Variants in TFCP2L1 observed in about 807,000 individuals in gnomAD.
The protein encoded by TFCP2L1 is transcription factor CP2 like 1.
TFCP2L1 carries 12 observed loss-of-function variants against 72.2 expected under a neutral mutation model. That is an observed-to-expected ratio of 0.17 (90% CI 0.11 to 0.27). The LOEUF (loss-of-function observed/expected upper bound fraction) is 0.27. Among genes scored for constraint, TFCP2L1 ranks in the 10% least tolerant of loss-of-function variants. TFCP2L1 has a pLI of 1.00. For missense variants in TFCP2L1, 488 were observed against 624.6 expected (o/e 0.78, Z 2.33); for synonymous variants, 260 against 251.0 (o/e 1.04, Z -0.34).
chr2:121,224,398 G>A lies in TFCP2L1; in HGVS notation c.1394-11C>T, dbSNP rs1353263132. The A allele has an allele frequency of 1.2e-6, 2 of 1,613,552 alleles. No homozygotes were observed. The highest frequency in any genetic ancestry group is 2.2e-5 in the East Asian group (1 of 44,876). The stretch of plus-strand genomic sequence containing the variant: ...CATCATTGCTCTCAGCTGCAAGAGA[G>A]AAACACTGGGTGTATTTCACAGGAA... On this transcript the variant is annotated splice_polypyrimidine_tract_variant and intron_variant, in intron 14 of 14. Coordinates refer to ENST00000263707, the MANE Select transcript of TFCP2L1 (RefSeq NM_014553.3).
intron 2 of TFCP2L1, among the ~76,000 whole-genome samples, chr2:121,267,561 T>G (rs2104742958): frequency 6.6e-6 from 1 of 151,976 alleles, no homozygotes; most frequent in Non-Finnish European, 1.5e-5. Flanking sequence ...TGGCGCGATC[T>G]CGACTCACTG....
Position 121,217,511 on chromosome 2 carries a change from T to G in TFCP2L1, c.*6830A>C, listed in dbSNP as rs1012293188. ...CAGAATTCTCAGGCCCAGGATACCC[T>G]TATGGAGGGCCGGGGGGCGGCCCCT... is the stretch of plus-strand genomic sequence containing the variant. On this transcript the variant is annotated 3_prime_UTR_variant, in exon 15 of 15. Coordinates refer to ENST00000263707, the MANE Select transcript of TFCP2L1 (RefSeq NM_014553.3). 9 of 152,440 alleles carry G rather than the reference T, an allele frequency of 5.9e-5. No individual in the cohort carries two copies. The highest frequency in any genetic ancestry group is 2.2e-4 in the African/African-American group (9 of 41,456). The allele number at this position is 152,440 out of a possible 1,614,324, so 9.4% of individuals were successfully genotyped here.
At chr2:121,224,723 C>T (rs1452632443) in intron 14 of TFCP2L1, among the ~76,000 whole-genome samples, 1 of 152,184 alleles carries the variant, frequency 6.6e-6, no homozygotes, top group African/African-American at 2.4e-5. Context: ...TGGCTCACGC[C>T]TGTAATCCCA....
chr2:121,237,339 C>T (rs1686270492), intron 10 of TFCP2L1, among the ~76,000 whole-genome samples: 1 of 152,222 alleles, frequency 6.6e-6, no homozygotes, highest in Non-Finnish European at 1.5e-5. Context: ...TCTTCCTGGA[C>T]AGACCAGAGC....
chr2:121,275,568 C>CTTTT (rs931104631), intron 2 of TFCP2L1, among the ~76,000 whole-genome samples: 5 of 121,740 alleles, frequency 4.1e-5, no homozygotes, highest in East Asian at 2.6e-4. Flanking sequence ...AGAAGTAAGT[C>CTTTT]TTTTTTTTTT....
At chr2:121,240,357 A>G (rs1247522018) in intron 7 of TFCP2L1, 9 of 985,332 alleles carry the variant, frequency 9.1e-6, no homozygotes, top group Middle Eastern at 5.2e-4. Flanking sequence ...GAGAAAGTCT[A>G]TCCAGCTGAA....
At chr2:121,231,360 G>C (rs1225076305) in intron 13 of TFCP2L1, among the ~76,000 whole-genome samples, 2 of 152,198 alleles carry the variant, frequency 1.3e-5, no homozygotes, top group Non-Finnish European at 2.9e-5. Flanking sequence ...GTAGCTGCTT[G>C]TGCTCTACAC....
chr2:121,284,621 C>G (rs952014063), intron 1 of TFCP2L1, among the ~76,000 whole-genome samples: 4 of 152,202 alleles, frequency 2.6e-5, no homozygotes, highest in African/African-American at 9.6e-5. Context: ...GGGGCCCCGG[C>G]GGAGACGGGC....
chr2:121,230,959 T>A (rs2104665556), intron 13 of TFCP2L1, among the ~76,000 whole-genome samples: 1 of 152,240 alleles, frequency 6.6e-6, no homozygotes, highest in East Asian at 1.9e-4. Flanking sequence ...AGGCTTCACT[T>A]CAGCAGGGGC....
intron 6 of TFCP2L1, 77 bp downstream of exon 6, chr2:121,246,741 C>T: frequency 6.3e-7 from 1 of 1,585,094 alleles, no homozygotes; most frequent in Non-Finnish European, 8.6e-7. Flanking sequence ...AGAGGAAACT[C>T]CAGGGTCTCT....
At chr2:121,281,588 C>T (rs964122003) in intron 1 of TFCP2L1, among the ~76,000 whole-genome samples, 4 of 152,182 alleles carry the variant, frequency 2.6e-5, no homozygotes, top group African/African-American at 9.7e-5. Flanking sequence ...AGGCTAGCAG[C>T]AAAGGGACCT....
intron 2 of TFCP2L1, among the ~76,000 whole-genome samples, chr2:121,253,965 G>A (rs576000307): frequency 2.0e-5 from 3 of 152,220 alleles, no homozygotes; most frequent in Non-Finnish European, 2.9e-5. Flanking sequence ...CAAAAGCCAC[G>A]CAGAAGGCCA....
chr2:121,274,287 C>G (rs1298149728), intron 2 of TFCP2L1, among the ~76,000 whole-genome samples: 1 of 152,062 alleles, frequency 6.6e-6, no homozygotes, highest in African/African-American at 2.4e-5. Flanking sequence ...TCTCAAGGCA[C>G]TCAGCTTAAT....
chr2:121,253,240 A>G (rs1686646561), intron 2 of TFCP2L1, among the ~76,000 whole-genome samples: 1 of 152,204 alleles, frequency 6.6e-6, no homozygotes, highest in South Asian at 2.1e-4. Context: ...GCCAAACCCC[A>G]GTGCTGCTCA....
At chr2:121,238,073 T>C (rs1187077536) in intron 8 of TFCP2L1, among the ~76,000 whole-genome samples, 3 of 152,206 alleles carry the variant, frequency 2.0e-5, no homozygotes, top group Admixed American at 6.5e-5. Context: ...CAAGTTCTGA[T>C]AGGCTACACT....
At chr2:121,234,927 A>G (rs1686213547) in intron 11 of TFCP2L1, among the ~76,000 whole-genome samples, 1 of 152,250 alleles carries the variant, frequency 6.6e-6, no homozygotes. Flanking sequence ...GAACATGGGC[A>G]AGTGGCTCAG....
chr2:121,272,133 T>C (rs1687059670), intron 2 of TFCP2L1, among the ~76,000 whole-genome samples: 1 of 152,152 alleles, frequency 6.6e-6, no homozygotes. Context: ...CAGAACTCCC[T>C]TTATTATTGC....
At chr2:121,240,112 G>GA in intron 7 of TFCP2L1, 1 of 985,036 alleles carries the variant, frequency 1.0e-6, no homozygotes, top group Non-Finnish European at 1.2e-6. Flanking sequence ...TGTGCTATTT[G>GA]AAAAAAGAAT....
In TFCP2L1 at chr2:121,225,544, G is replaced by A; in HGVS notation, c.1393+18C>T. On this transcript the variant is annotated intron_variant, in intron 14 of 14. Transcript: ENST00000263707. The stretch of plus-strand genomic sequence containing the variant: ...CACCTGCCCCCACAACTACCCTAGG[G>A]GGAGGGGGAGGCTTCACCTTTAATT... 1.2e-6 allele frequency: 2 copies of A among 1,613,400 alleles called. No homozygotes were observed. The highest frequency in any genetic ancestry group is 1.7e-6 in the Non-Finnish European group (2 of 1,179,534).
Sources: gnomAD v4.1 joint callset for allele counts (sites outside exome capture counted in the v4.1 genomes callset) on GRCh38, gnomAD v4.1.1 for gene constraint, MANE v1.5 for transcripts, NCBI Gene and HGNC (gene_info 2026-07-23, HGNC 2026-07-21) for gene names.